The following EPSTI1 variants were observed in gnomAD, a reference collection of about 807,000 sequenced individuals.
EPSTI1 encodes the protein epithelial-stromal interaction protein 1.
Under a neutral mutation model 49.9 loss-of-function variants are expected in EPSTI1, and 66 were observed. That is an observed-to-expected ratio of 1.32 (90% CI 1.08 to 1.62). EPSTI1 has a LOEUF of 1.62. Ranked by LOEUF, EPSTI1 falls within the 40% of genes most tolerant of loss-of-function variation. The pLI, the probability that EPSTI1 is intolerant of heterozygous loss-of-function variation, is 0.00. For synonymous variants in EPSTI1, 137 were observed against 130.7 expected, an observed-to-expected ratio of 1.05 and a Z score of -0.33; for missense variants, 394 against 365.5, an observed-to-expected ratio of 1.08 and a Z score of -0.64.
At chr13:42,987,692 TA>T (rs1458617905) in intron 1 of EPSTI1, among the ~76,000 whole-genome samples, 13 of 152,226 alleles carry the variant, frequency 8.5e-5, no homozygotes, top group Non-Finnish European at 1.0e-4. Context: ...ACCCCTGCTT[TA>T]AAGTATACAT....
intron 1 of EPSTI1, among the ~76,000 whole-genome samples, chr13:42,973,316 T>G (rs1203900555): frequency 6.6e-6 from 1 of 152,188 alleles, no homozygotes; most frequent in Non-Finnish European, 1.5e-5. Flanking sequence ...GGGAAAGAAT[T>G]AGCTCTGAAT....
rs565525125 is a variant in EPSTI1, at chr13:42,944,300, A to C, written c.563+9648T>G. On this transcript the variant is annotated intron_variant, in intron 6 of 10. Coordinates refer to ENST00000313624, the MANE Select transcript of EPSTI1 (RefSeq NM_033255.5). ...CCCATCAATGTTGGGCTGGATAAAGAAAATGTGGCACATATACACCATGGA... is the reference window on the plus strand; with the variant it reads ...CCCATCAATGTTGGGCTGGATAAAGCAAATGTGGCACATATACACCATGGA... Among the ~76,000 whole-genome samples the C allele has an allele frequency of 4.7e-4, 71 of 152,364 alleles. 1 individual carries two copies. Among genetic ancestry groups the C allele is most frequent in the African/African-American group, 1.5e-3 (61 of 41,580 alleles).
chr13:42,961,969 G>A (rs1040360741), intron 5 of EPSTI1, among the ~76,000 whole-genome samples: 3 of 152,030 alleles, frequency 2.0e-5, no homozygotes, highest in South Asian at 4.2e-4. Flanking sequence ...CACTTCCCTC[G>A]GCCATTTCCA....
rs568794122 is a variant in EPSTI1, at chr13:42,926,338, A to G, written c.655T>C (p.Trp219Arg). The G allele has an allele frequency of 1.9e-6, 3 of 1,584,006 alleles. No individual in the cohort carries two copies. The highest frequency in any genetic ancestry group is 4.5e-5 in the East Asian group (2 of 44,728). ...SAVCGPQSST[W>R]ARSWAYRDSL... ...ACCCTGCAAAGTAATTCACTTACCC[A>G]TGTTGAGGATTGTGGGCCACAAACA... The change falls in exon 7 of 11, where the codon TGG becomes CGG. Residue 219 changes from tryptophan to arginine, a missense_variant and splice_region_variant. Trp to Arg is a moderately radical substitution (Grantham distance 101). Transcript: ENST00000313624.
chr13:42,979,102 CATTAA>C (rs1026599042), intron 1 of EPSTI1, among the ~76,000 whole-genome samples: 8 of 152,008 alleles, frequency 5.3e-5, no homozygotes, highest in African/African-American at 1.9e-4. Context: ...AGGCTTTTTT[CATTAA>C]ATTATGTATT....
chr13:42,972,874 A>T (rs150998465), intron 1 of EPSTI1, among the ~76,000 whole-genome samples: 18 of 152,306 alleles, frequency 1.2e-4, no homozygotes, highest in East Asian at 7.7e-4. Context: ...AATAAATAAA[A>T]AATAAATTAA....
intron 6 of EPSTI1, among the ~76,000 whole-genome samples, chr13:42,949,499 G>A (rs953850948): frequency 2.6e-5 from 4 of 151,104 alleles, no homozygotes; most frequent in African/African-American, 9.7e-5. Flanking sequence ...GCTGAGGCGG[G>A]AGAAATCGCC....
chr13:42,915,469 T>C (rs1012442199), intron 8 of EPSTI1, among the ~76,000 whole-genome samples: 1 of 151,964 alleles, frequency 6.6e-6, no homozygotes, highest in African/African-American at 2.4e-5. Flanking sequence ...GAGGCGGAGG[T>C]TGCAGTGAGC....
At chr13:42,900,543 G>A (rs748118768) in intron 8 of EPSTI1, among the ~76,000 whole-genome samples, 160 bp from the exon 9 acceptor site, 12 of 151,512 alleles carry the variant, frequency 7.9e-5, no homozygotes, top group East Asian at 1.9e-4. Context: ...TCTTATATAC[G>A]TAGGTAGCAA....
chr13:42,968,774 G>A (rs2039684536), intron 3 of EPSTI1, among the ~76,000 whole-genome samples: 1 of 151,988 alleles, frequency 6.6e-6, no homozygotes, highest in Non-Finnish European at 1.5e-5. Flanking sequence ...TGCTATGACA[G>A]GGCATATGCA....
chr13:42,917,638 A>AACAT lies in EPSTI1; in HGVS notation c.658-15_658-14insATGT. 3 of 990,214 alleles carry AACAT rather than the reference A, an allele frequency of 3.0e-6. No homozygotes were observed. The highest frequency in any genetic ancestry group is 2.9e-6 in the Non-Finnish European group (2 of 680,176). 61.3% of individuals were successfully genotyped at this position (990,214 alleles called of 1,614,324 possible). A position where few individuals can be genotyped will look rare whatever the true frequency, so the allele number is the denominator to read the frequency against. On this transcript the variant is annotated splice_polypyrimidine_tract_variant and intron_variant, in intron 7 of 10. Transcript: ENST00000313624. ...CCAGCTTCTGGCCTGTAAAGGTACA[A>AACAT]AGAGAAAAAAAAAAAAAAAAACAAC...
At chr13:42,915,094 GGAAT>G (rs2037793479) in intron 8 of EPSTI1, among the ~76,000 whole-genome samples, 1 of 152,094 alleles carries the variant, frequency 6.6e-6, no homozygotes, top group Non-Finnish European at 1.5e-5. Context: ...AAATATTTGC[GGAAT>G]GAATGGAATA....
chr13:42,961,686 C>T (rs1043792211), intron 5 of EPSTI1, among the ~76,000 whole-genome samples: 4 of 152,128 alleles, frequency 2.6e-5, no homozygotes, highest in Admixed American at 6.5e-5. Flanking sequence ...ACAGAGATGA[C>T]GACCAATCAG....
intron 3 of EPSTI1, among the ~76,000 whole-genome samples, chr13:42,967,767 T>A (rs1433546963): frequency 6.6e-6 from 1 of 152,146 alleles, no homozygotes; most frequent in African/African-American, 2.4e-5. Flanking sequence ...AGTGTAAACC[T>A]AGGCTCAAAG....
Position 42,926,420 on chromosome 13 carries a change from A to T in EPSTI1, c.573T>A (p.Ala191=). Residue 191 remains alanine, a synonymous_variant, in exon 7 of 11, where the codon GCT becomes GCA. Transcript: ENST00000313624. Reference sequence around the variant, plus strand: ...CTGTGTTCAGTTTGCTCAAGAACTCAGCGGTTTTGCTACCAGAAACACAAA... The same window carrying T: ...CTGTGTTCAGTTTGCTCAAGAACTCTGCGGTTTTGCTACCAGAAACACAAA... ...AFREHQQYKT[A]EFLSKLNTES... The T allele has an allele frequency of 1.2e-6, 2 of 1,611,322 alleles. No individual in the cohort carries two copies. Among genetic ancestry groups the T allele is most frequent in the East Asian group, 4.5e-5 (2 of 44,888 alleles).
chr13:42,926,541 T>C lies in EPSTI1; in HGVS notation c.564-112A>G, dbSNP rs75111705. On this transcript the variant is annotated intron_variant, in intron 6 of 10. Transcript: ENST00000313624. ...ATTTGGGTGATGATTAAAATTATCT[T>C]CAGCAGAACAGAAAGTTACGTTGAG... 974 of 742,804 alleles carry C rather than the reference T, an allele frequency of 1.3e-3. 13 individuals carry two copies. In the African/African-American group the frequency reaches 0.015, roughly 12 times the overall value. The allele number at this position is 742,804 out of a possible 1,614,324, so 46.0% of individuals were successfully genotyped here. A position where few individuals can be genotyped will look rare whatever the true frequency, so the allele number is the denominator to read the frequency against.
At chr13:42,936,944 T>C (rs2038584317) in intron 6 of EPSTI1, among the ~76,000 whole-genome samples, 1 of 152,220 alleles carries the variant, frequency 6.6e-6, no homozygotes, top group African/African-American at 2.4e-5. Flanking sequence ...TTGGGAGTCA[T>C]CCTTGATTCT....
chr13:42,969,137 C>T lies in EPSTI1; in HGVS notation c.288G>A (p.Glu96=), dbSNP rs778299732. Residue 96 remains glutamate (E), a synonymous_variant, in exon 3 of 11, where the codon GAG becomes GAA. Coordinates refer to ENST00000313624, the MANE Select transcript of EPSTI1 (RefSeq NM_033255.5). ...QELANLEKWK[E]QNRAKPVHLV... Reference sequence around the variant, plus strand: ...GGTGAACCGGTTTAGCTCTGTTCTGCTCCTTCCACTTCTCCAGGTTGGCCA... The same window carrying T: ...GGTGAACCGGTTTAGCTCTGTTCTGTTCCTTCCACTTCTCCAGGTTGGCCA... 15 of 1,614,052 alleles carry T rather than the reference C, an allele frequency of 9.3e-6. No homozygotes were observed. The South Asian group carries it at 1.4e-4, about 15-fold the overall frequency.
intron 1 of EPSTI1, among the ~76,000 whole-genome samples, chr13:42,983,291 C>T (rs998280710): frequency 2.6e-5 from 4 of 152,114 alleles, no homozygotes; most frequent in South Asian, 4.1e-4. Context: ...TAGGGCTGGG[C>T]GCAGTGGCTC....
Sources: allele counts gnomAD v4.1 joint callset (sites outside exome capture counted in the v4.1 genomes callset), GRCh38; gene constraint gnomAD v4.1.1; transcripts MANE v1.5; gene names NCBI Gene and HGNC (gene_info 2026-07-23, HGNC 2026-07-21).